Variants in NLRP7 observed in about 807,000 individuals in gnomAD.
NLRP7 encodes the protein NACHT, LRR and PYD domains-containing protein 7.
A neutral mutation model predicts 85.5 loss-of-function variants in NLRP7; 72 were observed. That is an observed-to-expected ratio of 0.84 (90% CI 0.70 to 1.02). NLRP7 has a LOEUF of 1.02. NLRP7 is among the 50% of genes least tolerant of loss of function. The pLI is 0.00. For missense variants in NLRP7, 1,243 were observed against 1,219.5 expected, an observed-to-expected ratio of 1.02 and a Z score of -0.29; for synonymous variants, 550 against 505.2, an observed-to-expected ratio of 1.09 and a Z score of -1.19.
exon 4 of NLRP7, chr19:54,939,379 G>A (rs201781231): frequency 1.3e-5 from 21 of 1,613,984 alleles, no homozygotes; most frequent in Non-Finnish European, 1.7e-5. Context: ...TCTCCAGGGC[G>A]TAGAACAGGG....
chr19:54,940,209 G>A (rs771843736), exon 4 of NLRP7: 3 of 1,614,226 alleles, frequency 1.9e-6, no homozygotes, highest in Non-Finnish European at 2.5e-6. Context: ...GCGTATCTGA[G>A]CGTCGGGCTG....
intron 1 of NLRP7, among the ~76,000 whole-genome samples, chr19:54,956,345 G>T (rs936732332): frequency 2.0e-5 from 3 of 152,128 alleles, no homozygotes; most frequent in African/African-American, 7.2e-5. Context: ...CTGGTTGTTG[G>T]TGGGGAGAAA....
At chr19:54,935,506 G>T (rs1207815489) in intron 6 of NLRP7, among the ~76,000 whole-genome samples, 1 of 152,056 alleles carries the variant, frequency 6.6e-6, no homozygotes, top group Non-Finnish European at 1.5e-5. Context: ...GACCAGCCTG[G>T]CCAACATGGT....
In NLRP7 at chr19:54,959,642, C is replaced by G. The variant is rs182115170; in HGVS notation, c.-77+6398G>C. On this transcript the variant is annotated intron_variant, in intron 1 of 2. Transcript: ENST00000587103. Reference sequence around the variant, plus strand: ...AGCCTGGGCAACATAGCAAGACCCCCATTTCCAATTTTAGTGTATGTGCTG... The same window carrying G: ...AGCCTGGGCAACATAGCAAGACCCCGATTTCCAATTTTAGTGTATGTGCTG... 4.6e-5 allele frequency among the ~76,000 whole-genome samples: 7 copies of G among 151,732 alleles called. No homozygotes were observed. In the South Asian group the frequency reaches 1.3e-3, roughly 27 times the overall value.
At chr19:54,962,206 G>A (rs2070066593) in intron 1 of NLRP7, among the ~76,000 whole-genome samples, 1 of 148,372 alleles carries the variant, frequency 6.7e-6, no homozygotes, top group South Asian at 2.2e-4. Context: ...TTATTGAAAT[G>A]TGCAGTCTGA....
chr19:54,943,215 CAGG>C (rs906041509), intron 1 of NLRP7, among the ~76,000 whole-genome samples: 1 of 151,814 alleles, frequency 6.6e-6, no homozygotes, highest in East Asian at 1.9e-4. Context: ...GAGGCTGACA[CAGG>C]AGGATTGTTT....
Position 54,934,706 on chromosome 19 carries a change from A to G in NLRP7, c.2301-47T>C. 1.2e-5 allele frequency: 18 copies of G among 1,478,442 alleles called. No homozygotes were observed. Among genetic ancestry groups the G allele is most frequent in the Non-Finnish European group, 1.6e-5 (18 of 1,092,502 alleles). The allele number at this position is 1,478,442 out of a possible 1,614,324, so 91.6% of individuals were successfully genotyped here. ...TCATTCTTCTGGGAGGACAGAGTAT[A>G]CCCTATCAGCTTTTTTTTTTTGAGA... On this transcript the variant is annotated intron_variant, in intron 6 of 9. Transcript: ENST00000340844. This position sits in a 1 kb window ranked among gnomAD's most constrained non-coding sequence, Gnocchi z 6.7.
At chr19:54,953,284 A>T (rs1467694340) in intron 1 of NLRP7, 1 of 152,174 alleles carries the variant, frequency 6.6e-6, no homozygotes, top group Admixed American at 6.6e-5. Context: ...CGAGATCCCC[A>T]AGTGAGCAAT....
At chr19:54,928,373 G>C (rs2068534709) in intron 9 of NLRP7, among the ~76,000 whole-genome samples, 1 of 152,258 alleles carries the variant, frequency 6.6e-6, no homozygotes, top group East Asian at 1.9e-4. Context: ...CAGCTTGGGT[G>C]AAAGAGTGAG....
At chr19:54,928,527 T>C (rs1197914616) in intron 9 of NLRP7, among the ~76,000 whole-genome samples, 1 of 152,176 alleles carries the variant, frequency 6.6e-6, no homozygotes, top group Non-Finnish European at 1.5e-5. Flanking sequence ...ATATGTTCTA[T>C]TGAAGACAAT....
chr19:54,936,555 C>T (rs2068938398), intron 5 of NLRP7, 124 bp from the exon 6 acceptor site: 11 of 845,942 alleles, frequency 1.3e-5, no homozygotes, highest in Non-Finnish European at 1.8e-5. Flanking sequence ...GGTGCAGTGG[C>T]TCGTGTCTGT....
chr19:54,946,606 C>T (rs1324920078), intron 1 of NLRP7, among the ~76,000 whole-genome samples: 1 of 151,806 alleles, frequency 6.6e-6, no homozygotes, highest in Non-Finnish European at 1.5e-5. Context: ...CCTCCCACCT[C>T]ACCCCACAAG....
chr19:54,935,293 G>A (rs1372583392), intron 6 of NLRP7, among the ~76,000 whole-genome samples: 2 of 151,992 alleles, frequency 1.3e-5, no homozygotes, highest in East Asian at 1.9e-4. Context: ...GCAGTGGCAT[G>A]ATCACAGGTC....
Position 54,934,856 on chromosome 19 carries a change from T to C in NLRP7, c.2301-197A>G, listed in dbSNP as rs1423601833. Among the ~76,000 whole-genome samples, 1 of 152,006 alleles carries C rather than the reference T, an allele frequency of 6.6e-6. No homozygotes were observed. The highest frequency in any genetic ancestry group is 1.5e-5 in the Non-Finnish European group (1 of 67,968). ...TCCGAAGTAGCTGGGATTACAGGCATTCGCCAATTTTTGTATTTTTAGTAG... is the reference window on the plus strand; with the variant it reads ...TCCGAAGTAGCTGGGATTACAGGCACTCGCCAATTTTTGTATTTTTAGTAG... On this transcript the variant is annotated intron_variant, in intron 6 of 9. Transcript: ENST00000340844. This position sits in a 1 kb window ranked among gnomAD's most constrained non-coding sequence, Gnocchi z 6.7.
At chr19:54,931,582 G>T (rs139698401) in intron 8 of NLRP7, among the ~76,000 whole-genome samples, 3,072 of 152,182 alleles carry the variant, frequency 0.02, 110 homozygotes, top group African/African-American at 0.069. Context: ...CAGCTACTCA[G>T]GAGGCTGAGG....
intron 7 of NLRP7, 74 bp from the exon 8 acceptor site, chr19:54,933,813 A>G (rs2146187650): frequency 7.9e-7 from 1 of 1,258,792 alleles, no homozygotes; most frequent in African/African-American, 1.5e-5. Context: ...TGATGTCCAC[A>G]TGCTAGGGTA....
intron 1 of NLRP7, among the ~76,000 whole-genome samples, chr19:54,952,769 C>A (rs532379966): frequency 2.1e-4 from 32 of 152,200 alleles, no homozygotes; most frequent in African/African-American, 7.7e-4. Context: ...AGGCGTGTAA[C>A]CAGGGCAACT....
chr19:54,959,970 C>G (rs1170134042), intron 1 of NLRP7, among the ~76,000 whole-genome samples: 2 of 151,876 alleles, frequency 1.3e-5, no homozygotes, highest in African/African-American at 4.8e-5. Context: ...CAGGCTTTCA[C>G]AGACCTGGGC....
chr19:54,945,075 T>G (rs1602199266), intron 1 of NLRP7, among the ~76,000 whole-genome samples: 1 of 150,796 alleles, frequency 6.6e-6, no homozygotes, highest in Admixed American at 6.6e-5. Context: ...CCGTCTCTAC[T>G]AAAAATACAA....
Sources: gnomAD v4.1 joint callset for allele counts (sites outside exome capture counted in the v4.1 genomes callset) on GRCh38, gnomAD v4.1.1 for gene constraint, Gnocchi (gnomAD v3.1) non-coding constraint, MANE v1.5 for transcripts, NCBI Gene and HGNC (gene_info 2026-07-23, HGNC 2026-07-21) for gene names.